Variants in MAP3K4 observed in about 807,000 individuals in gnomAD.
The protein encoded by MAP3K4 is mitogen-activated protein kinase kinase kinase 4.
A neutral mutation model predicts 185.6 loss-of-function variants in MAP3K4; 67 were observed. The ratio of observed to expected loss-of-function variants is 0.36; its 90% confidence interval spans 0.30 to 0.44. MAP3K4 has a LOEUF of 0.44. MAP3K4 is among the 20% of genes least tolerant of loss of function. The pLI is 1.00. For synonymous variants in MAP3K4, 702 were observed against 710.4 expected (o/e 0.99, Z 0.19); for missense variants, 1,551 against 1,995.1 (o/e 0.78, Z 4.24).
rs1192144634 is a variant in MAP3K4, at chr6:161,076,668, T to C, written c.2097+3056T>C. Among the ~76,000 whole-genome samples, 1 of 152,184 alleles carries C rather than the reference T, an allele frequency of 6.6e-6. No individual in the cohort carries two copies. The highest frequency in any genetic ancestry group is 1.5e-5 in the Non-Finnish European group (1 of 68,030). On this transcript the variant is annotated intron_variant, in intron 5 of 26. Transcript: ENST00000392142. This position sits in a 1 kb window ranked among gnomAD's most constrained non-coding sequence, Gnocchi z 4.2. Reference sequence around the variant, plus strand: ...AAAAGATTTATAAGGATTGAAAATATGAAAATGATAGGCGAGATGTGGTAG... The same window carrying C: ...AAAAGATTTATAAGGATTGAAAATACGAAAATGATAGGCGAGATGTGGTAG...
intron 1 of MAP3K4, among the ~76,000 whole-genome samples, chr6:161,005,377 C>T (rs1201010486): frequency 6.6e-6 from 1 of 152,020 alleles, no homozygotes; most frequent in Non-Finnish European, 1.5e-5. Flanking sequence ...TGGGCTCAAG[C>T]AATCTGCCTG....
rs989001784 is a variant in MAP3K4 at position 161,077,554 on chromosome 6, A to G, written c.2098-3327A>G. On this transcript the variant is annotated intron_variant, in intron 5 of 26. Coordinates refer to ENST00000392142, the MANE Select transcript of MAP3K4 (RefSeq NM_005922.4). The surrounding 1 kb of genome is among the most constrained non-coding windows in gnomAD (Gnocchi z 4.3). ...GTGGGGGCTCCAGCTGCAGGTGGAGAGTAGGCTGGGGGTCCAGAGCAGATG... is the reference window on the plus strand; with the variant it reads ...GTGGGGGCTCCAGCTGCAGGTGGAGGGTAGGCTGGGGGTCCAGAGCAGATG... Among the ~76,000 whole-genome samples, 2 of 152,178 alleles carry G rather than the reference A, an allele frequency of 1.3e-5. No homozygotes were observed. Among genetic ancestry groups the G allele is most frequent in the African/African-American group, 4.8e-5 (2 of 41,446 alleles).
intron 1 of MAP3K4, among the ~76,000 whole-genome samples, chr6:161,000,762 T>A (rs1406864963): frequency 6.6e-6 from 1 of 151,138 alleles, no homozygotes; most frequent in Non-Finnish European, 1.5e-5. Flanking sequence ...CCCATCTGTA[T>A]ACACACATAT....
chr6:161,104,053 G>C (rs1777943770), intron 19 of MAP3K4, among the ~76,000 whole-genome samples: 3 of 152,094 alleles, frequency 2.0e-5, no homozygotes. Context: ...GTACTTTGTG[G>C]TCAAGTAAAC....
At chr6:161,060,041 A>G (rs1784417479) in intron 3 of MAP3K4, among the ~76,000 whole-genome samples, 1 of 152,180 alleles carries the variant, frequency 6.6e-6, no homozygotes, top group Non-Finnish European at 1.5e-5. Flanking sequence ...TTGTATTAAC[A>G]CTACTTTCCC....
At position 161,070,626 on chromosome 6, in the gene MAP3K4, C is replaced by T. The variant is rs1344968427; in HGVS notation, c.1726C>T (p.Pro576Ser). Residue 576 changes from proline to serine, a missense_variant, in exon 4 of 27, where the codon CCC becomes TCC. Pro to Ser is a moderately conservative substitution (Grantham distance 74, BLOSUM62 -1). Transcript: ENST00000392142. The surrounding 1 kb of genome is among the most constrained non-coding windows in gnomAD (Gnocchi z 4.5). ...GTTATAGTTTTCTGAATTTCCAGATCCCATGTGGGGTTCAGATTATGTGCA... is the reference window on the plus strand; with the variant it reads ...GTTATAGTTTTCTGAATTTCCAGATTCCATGTGGGGTTCAGATTATGTGCA... ...RPVEFSEFPD[P>S]MWGSDYVQLS... is the part of the protein sequence containing the mutation. 6.2e-7 allele frequency: 1 copy of T among 1,613,344 alleles called. No homozygotes were observed. Among genetic ancestry groups the T allele is most frequent in the South Asian group, 1.1e-5 (1 of 90,950 alleles).
rs1264301877 is a variant in MAP3K4, at chr6:161,087,493, C to T, written c.2557-195C>T. On this transcript the variant is annotated intron_variant, in intron 9 of 26. Coordinates refer to ENST00000392142, the MANE Select transcript of MAP3K4 (RefSeq NM_005922.4). The surrounding 1 kb of genome is among the most constrained non-coding windows in gnomAD (Gnocchi z 4.9). ...ACTCTGTAAGGCCTCTCCTCCAGTG[C>T]GTTCACAGACTCTCCTCCTCCTGCC... is the stretch of plus-strand genomic sequence containing the variant. 1.3e-5 allele frequency among the ~76,000 whole-genome samples: 2 copies of T among 152,136 alleles called. No individual in the cohort carries two copies. Among genetic ancestry groups the T allele is most frequent in the South Asian group, 2.1e-4 (1 of 4,828 alleles).
Position 161,051,942 on chromosome 6 carries a change from C to T in MAP3K4, c.1707+1963C>T, listed in dbSNP as rs1174473989. The stretch of plus-strand genomic sequence containing the variant: ...GCTAAAACAGTCCTCCTGCCTTAGC[C>T]TCCTGAGTAGCTTGTATTACTTTTT... On this transcript the variant is annotated intron_variant, in intron 3 of 26. Transcript: ENST00000392142. The surrounding 1 kb of genome is among the most constrained non-coding windows in gnomAD (Gnocchi z 4.2). Among the ~76,000 whole-genome samples the T allele has an allele frequency of 6.6e-6, 1 of 152,148 alleles. No homozygotes were observed. Among genetic ancestry groups the T allele is most frequent in the Non-Finnish European group, 1.5e-5 (1 of 68,028 alleles).
intron 7 of MAP3K4, among the ~76,000 whole-genome samples, chr6:161,085,372 G>A (rs1341836667): frequency 6.6e-6 from 1 of 152,048 alleles, no homozygotes; most frequent in African/African-American, 2.4e-5. Context: ...GTTTTTCTCT[G>A]TTGAATTTCC....
intron 17 of MAP3K4, among the ~76,000 whole-genome samples, chr6:161,099,285 A>AG (rs1777724807): frequency 6.6e-6 from 1 of 152,246 alleles, no homozygotes; most frequent in Non-Finnish European, 1.5e-5. Context: ...GTTAACAGGA[A>AG]GATGATGCCT....
At position 161,037,283 on chromosome 6, in the gene MAP3K4, C is replaced by T. The variant is rs1280873600; in HGVS notation, c.343+2834C>T. 1.3e-5 allele frequency among the ~76,000 whole-genome samples: 2 copies of T among 152,216 alleles called. No individual in the cohort carries two copies. The highest frequency in any genetic ancestry group is 2.1e-4 in the South Asian group (1 of 4,824). Reference sequence around the variant, plus strand: ...CTTGGTTGCTTGATCACCCGGACTCCAGTCCTGGTTCCGCTATCTTCTGCG... The same window carrying T: ...CTTGGTTGCTTGATCACCCGGACTCTAGTCCTGGTTCCGCTATCTTCTGCG... On this transcript the variant is annotated intron_variant, in intron 2 of 26. Coordinates refer to ENST00000392142, the MANE Select transcript of MAP3K4 (RefSeq NM_005922.4). This position sits in a 1 kb window ranked among gnomAD's most constrained non-coding sequence, Gnocchi z 4.2.
chr6:161,090,594 G>A (rs1252594153), intron 11 of MAP3K4, among the ~76,000 whole-genome samples: 3 of 110,392 alleles, frequency 2.7e-5, no homozygotes, highest in African/African-American at 6.2e-5. Context: ...GTTTGGGCCC[G>A]TAACTCTTGG....
At chr6:161,045,443 A>G (rs949559733) in intron 2 of MAP3K4, among the ~76,000 whole-genome samples, 1 of 152,132 alleles carries the variant, frequency 6.6e-6, no homozygotes, top group Non-Finnish European at 1.5e-5. Flanking sequence ...CTGAAATGAG[A>G]TTATGTTTAT....
intron 19 of MAP3K4, among the ~76,000 whole-genome samples, chr6:161,105,201 G>A (rs1413728840): frequency 2.0e-5 from 3 of 152,194 alleles, no homozygotes; most frequent in African/African-American, 7.2e-5. Context: ...ACTGTTAAAT[G>A]TGTGAAAGGT....
intron 2 of MAP3K4, among the ~76,000 whole-genome samples, chr6:161,047,701 A>G (rs1340410664): frequency 1.3e-5 from 2 of 152,214 alleles, no homozygotes; most frequent in Admixed American, 6.5e-5. Flanking sequence ...CCAAGGAGGT[A>G]TTTGAAAAGA....
intron 2 of MAP3K4, among the ~76,000 whole-genome samples, chr6:161,047,129 T>G (rs1783766142): frequency 6.8e-6 from 1 of 146,332 alleles, no homozygotes; most frequent in Admixed American, 6.8e-5. Flanking sequence ...TATATATATA[T>G]ATATATATAT....
chr6:161,115,677 TTTAA>T lies in MAP3K4; in HGVS notation c.4806+380_4806+383del, dbSNP rs946548298. On this transcript the variant is annotated intron_variant, in intron 26 of 26. Transcript: ENST00000392142. The surrounding 1 kb of genome is among the most constrained non-coding windows in gnomAD (Gnocchi z 6.0). ...TATATAAGGTTACTCAGAAGAGGAA[TTTAA>T]TTAAGTCAGCCAATCTCAGTTCTTT... Among the ~76,000 whole-genome samples, 4 of 152,172 alleles carry T rather than the reference TTTAA, an allele frequency of 2.6e-5. No homozygotes were observed. Among genetic ancestry groups the T allele is most frequent in the Non-Finnish European group, 5.9e-5 (4 of 68,022 alleles).
In MAP3K4 at chr6:161,054,378, C is replaced by T. The variant is rs1418632671; in HGVS notation, c.1707+4399C>T. 1.3e-5 allele frequency among the ~76,000 whole-genome samples: 2 copies of T among 152,180 alleles called. No individual in the cohort carries two copies. The highest frequency in any genetic ancestry group is 1.9e-4 in the East Asian group (1 of 5,184). ...CCATGTTGGTCAGGCTGGTCTCAAA[C>T]TCCTGACCTCACATGATCCACCCGC... On this transcript the variant is annotated intron_variant, in intron 3 of 26. Coordinates refer to ENST00000392142, the MANE Select transcript of MAP3K4 (RefSeq NM_005922.4). The surrounding 1 kb of genome is among the most constrained non-coding windows in gnomAD (Gnocchi z 4.2).
chr6:161,034,942 C>T lies in MAP3K4; in HGVS notation c.343+493C>T, dbSNP rs866303552. 4.6e-5 allele frequency among the ~76,000 whole-genome samples: 7 copies of T among 152,202 alleles called. No individual in the cohort carries two copies. In the South Asian group the frequency reaches 1.5e-3, roughly 32 times the overall value. On this transcript the variant is annotated intron_variant, in intron 2 of 26. Transcript: ENST00000392142. This position sits in a 1 kb window ranked among gnomAD's most constrained non-coding sequence, Gnocchi z 4.4. ...CTTTTTCATACTAAGCACAGTGACCCCACACCTAACAACCATGACAGAACC... is the reference window on the plus strand; with the variant it reads ...CTTTTTCATACTAAGCACAGTGACCTCACACCTAACAACCATGACAGAACC...
Sources: gnomAD v4.1 joint callset for allele counts (sites outside exome capture counted in the v4.1 genomes callset) on GRCh38, gnomAD v4.1.1 for gene constraint, Gnocchi (gnomAD v3.1) non-coding constraint, MANE v1.5 for transcripts, NCBI Gene and HGNC (gene_info 2026-07-23, HGNC 2026-07-21) for gene names.